The following DPPA4 variants were observed in gnomAD, a reference collection of about 807,000 sequenced individuals.
The protein encoded by DPPA4 is developmental pluripotency associated 4.
DPPA4 carries 22 observed loss-of-function variants against 33.7 expected under a neutral mutation model. The observed-to-expected ratio is 0.65, with a 90% confidence interval of 0.47 to 0.93. The LOEUF (loss-of-function observed/expected upper bound fraction) is 0.93. DPPA4 is among the 40% of genes least tolerant of loss of function. The probability of loss-of-function intolerance (pLI) is 0.00; values close to 1 mark genes in which losing one functional copy is unlikely to be tolerated. For synonymous variants in DPPA4, 156 were observed against 132.3 expected, an observed-to-expected ratio of 1.18 and a Z score of -1.23; for missense variants, 340 against 358.6, an observed-to-expected ratio of 0.95 and a Z score of 0.42.
upstream of DPPA4, among the ~76,000 whole-genome samples, chr3:109,339,414 G>C (rs1465368936): frequency 6.6e-6 from 1 of 152,082 alleles, no homozygotes; most frequent in Non-Finnish European, 1.5e-5. Flanking sequence ...AGAGGGTTGT[G>C]GGCATGTCTG....
intron 2 of DPPA4, 157 bp downstream of exon 2, chr3:109,333,713 G>C: frequency 2.6e-6 from 2 of 780,650 alleles, no homozygotes; most frequent in Non-Finnish European, 4.1e-6. Context: ...ACCAAAAGAT[G>C]CTTCAGGAAG....
chr3:109,336,464 G>C (rs1047974439), intron 1 of DPPA4: 1 of 152,176 alleles, frequency 6.6e-6, no homozygotes, highest in African/African-American at 2.4e-5. Context: ...TGTCTGCATT[G>C]TTCCCAATGT....
At position 109,336,012 on chromosome 3, in the gene DPPA4, G is replaced by C. The variant is rs185625595; in HGVS notation, c.54+1452C>G. Reference sequence around the variant, plus strand: ...TACCAAAAATACAAAAACTACCTGGGCGTGGTGGTGCGTGCCTGCAATCCC... The same window carrying C: ...TACCAAAAATACAAAAACTACCTGGCCGTGGTGGTGCGTGCCTGCAATCCC... On this transcript the variant is annotated intron_variant, in intron 1 of 6. Transcript: ENST00000335658. Among the ~76,000 whole-genome samples, 929 of 151,596 alleles carry C rather than the reference G, an allele frequency of 6.1e-3. 9 individuals carry two copies. The highest frequency in any genetic ancestry group is 0.021 in the African/African-American group (882 of 41,362).
chr3:109,332,852 G>A (rs1233379551), intron 2 of DPPA4, among the ~76,000 whole-genome samples: 1 of 152,160 alleles, frequency 6.6e-6, no homozygotes, highest in East Asian at 1.9e-4. Context: ...AGCACTTTGG[G>A]AGGCCGAGGT....
Position 109,331,804 on chromosome 3 carries a change from A to G in DPPA4, c.340-20T>C. 2 of 1,613,626 alleles carry G rather than the reference A, an allele frequency of 1.2e-6. No individual in the cohort carries two copies. The highest frequency in any genetic ancestry group is 1.7e-6 in the Non-Finnish European group (2 of 1,179,626). On this transcript the variant is annotated intron_variant, in intron 3 of 6. Coordinates refer to ENST00000335658, the MANE Select transcript of DPPA4 (RefSeq NM_018189.4). ...CAATTTCTAAGACAATAGAAAACTGAGTTAGTAAGGCAAATAAGGTTCCTA... is the reference window on the plus strand; with the variant it reads ...CAATTTCTAAGACAATAGAAAACTGGGTTAGTAAGGCAAATAAGGTTCCTA...
At chr3:109,339,587 A>G (rs570795948), upstream of DPPA4, among the ~76,000 whole-genome samples, 31 of 151,718 alleles carry the variant, frequency 2.0e-4, no homozygotes, top group Non-Finnish European at 3.7e-4. Context: ...GTGAAACCCC[A>G]TTTCTACCAA....
chr3:109,328,112 A>AT, intron 6 of DPPA4, 88 bp from the exon 7 acceptor site: 1 of 859,586 alleles, frequency 1.2e-6, no homozygotes. Context: ...TGCTGTTGAA[A>AT]TTGCCCTTAC....
At chr3:109,328,784 T>G in intron 6 of DPPA4, 106 bp downstream of exon 6, 1 of 1,038,596 alleles carries the variant, frequency 9.6e-7, no homozygotes, top group Non-Finnish European at 1.4e-6. Flanking sequence ...TACTGACAAT[T>G]TGAGCTTGAA....
In DPPA4 at chr3:109,329,040, T is replaced by C. The variant is rs1707997107; in HGVS notation, c.728A>G (p.Asp243Gly). The change falls in exon 6 of 7, where the codon GAT (aspartate) becomes GGT (glycine). Residue 243 changes from aspartate to glycine, a missense_variant. Physicochemically the swap from Asp to Gly is moderately conservative, Grantham distance 94. This residue lies in a region of DPPA4 where 212 missense variants were observed against 206.5 expected (regional missense o/e 1.03). Coordinates refer to ENST00000335658, the MANE Select transcript of DPPA4 (RefSeq NM_018189.4). ...VHGKSLPADT[D>G]GWVHLQFHAG... is the part of the protein sequence containing the mutation. Reference sequence around the variant, plus strand: ...ATGAAACTGCAGGTGAACCCAACCATCTGTGTCTGCAGGGAGACTTTTCCC... The same window carrying C: ...ATGAAACTGCAGGTGAACCCAACCACCTGTGTCTGCAGGGAGACTTTTCCC... 2.5e-6 allele frequency: 4 copies of C among 1,614,042 alleles called. No individual in the cohort carries two copies. The East Asian group carries it at 8.9e-5, about 36-fold the overall frequency.
chr3:109,327,051 T>G lies in DPPA4; in HGVS notation c.*937A>C, dbSNP rs939375340. 1.3e-5 allele frequency: 2 copies of G among 152,148 alleles called. No homozygotes were observed. Among genetic ancestry groups the G allele is most frequent in the African/African-American group, 4.8e-5 (2 of 41,460 alleles). The allele number at this position is 152,148 out of a possible 1,614,324, so 9.4% of individuals were successfully genotyped here. Reference sequence around the variant, plus strand: ...GAGCGGGAAGCAACCTTAAACATTTTAAACTCCAGAAATATACAAAACAAT... The same window carrying G: ...GAGCGGGAAGCAACCTTAAACATTTGAAACTCCAGAAATATACAAAACAAT... On this transcript the variant is annotated 3_prime_UTR_variant, in exon 7 of 7. Transcript: ENST00000335658.
At chr3:109,329,118 C>A in intron 5 of DPPA4, 30 bp from the exon 6 acceptor site, 2 of 1,599,328 alleles carry the variant, frequency 1.3e-6, no homozygotes, top group South Asian at 1.1e-5. Context: ...GAGACAGGTA[C>A]CCGCACACCA....
chr3:109,328,869 A>G (rs763456655), intron 6 of DPPA4, 21 bp downstream of exon 6: 1 of 1,596,424 alleles, frequency 6.3e-7, no homozygotes, highest in South Asian at 1.1e-5. Context: ...TTTAGTTTGT[A>G]GAAAAGCATC....
chr3:109,331,727 A>C lies in DPPA4; in HGVS notation c.390+7T>G. On this transcript the variant is annotated splice_region_variant and intron_variant, in intron 4 of 6. Transcript: ENST00000335658. ...AGCATTGAAACGTCCATCCTTTAAA[A>C]AGTTACCTTTTGATTTGGGTAGGCA... 1 of 1,613,442 alleles carries C rather than the reference A, an allele frequency of 6.2e-7. No individual in the cohort carries two copies. The highest frequency in any genetic ancestry group is 1.1e-5 in the South Asian group (1 of 91,058).
intron 1 of DPPA4, chr3:109,336,407 C>T (rs1006018213): frequency 2.0e-4 from 30 of 152,078 alleles, no homozygotes; most frequent in African/African-American, 7.2e-4. Flanking sequence ...CGGATATGGC[C>T]GTTCAGTGCC....
Position 109,331,865 on chromosome 3 carries a change from C to T in DPPA4, c.339+6G>A. The T allele has an allele frequency of 1.9e-6, 3 of 1,613,726 alleles. No homozygotes were observed. The highest frequency in any genetic ancestry group is 1.1e-5 in the South Asian group (1 of 91,058). On this transcript the variant is annotated splice_donor_region_variant and intron_variant, in intron 3 of 6. Coordinates refer to ENST00000335658, the MANE Select transcript of DPPA4 (RefSeq NM_018189.4). Reference sequence around the variant, plus strand: ...CAGCAGCACCGTCCCCAGCCTGGGACCTCACCTGGCCTTTGGAGCTCAGCT... The same window carrying T: ...CAGCAGCACCGTCCCCAGCCTGGGATCTCACCTGGCCTTTGGAGCTCAGCT...
chr3:109,333,533 T>G, intron 2 of DPPA4: 1 of 233,030 alleles, frequency 4.3e-6, no homozygotes, highest in Non-Finnish European at 8.5e-6. Flanking sequence ...ATTTTTAGAA[T>G]AGGAAGTCCG....
chr3:109,331,601 TG>T (rs1708081648), intron 4 of DPPA4, 132 bp downstream of exon 4: 1 of 510,048 alleles, frequency 2.0e-6, no homozygotes, highest in East Asian at 3.4e-5. Flanking sequence ...GAAGTAGAGA[TG>T]GGAAATATTG....
chr3:109,329,425 C>T, intron 5 of DPPA4: 1 of 225,534 alleles, frequency 4.4e-6, no homozygotes, highest in Non-Finnish European at 8.9e-6. Flanking sequence ...GTCCCAGCTA[C>T]TCAGGAGGCT....
upstream of DPPA4, among the ~76,000 whole-genome samples, chr3:109,339,401 C>T (rs1708270840): frequency 6.6e-6 from 1 of 152,024 alleles, no homozygotes; most frequent in Admixed American, 6.6e-5. Context: ...ATAGCCTTTA[C>T]TTAGAGGGTT....
Sources: allele counts gnomAD v4.1 joint callset (sites outside exome capture counted in the v4.1 genomes callset), GRCh38; gene constraint gnomAD v4.1.1; regional missense constraint gnomAD v4.1.1; transcripts MANE v1.5; gene names NCBI Gene and HGNC (gene_info 2026-07-23, HGNC 2026-07-21).